SH3RF3: variants seen among roughly 807,000 people sequenced by gnomAD.
SH3RF3 encodes E3 ubiquitin-protein ligase SH3RF3.
Under a neutral mutation model 66.3 loss-of-function variants are expected in SH3RF3, and 29 were observed. That is an observed-to-expected ratio of 0.44 (90% CI 0.33 to 0.60). The LOEUF (loss-of-function observed/expected upper bound fraction) is 0.60. Ranked by LOEUF, SH3RF3 falls within the 20% of genes least tolerant of loss-of-function variation. The pLI, the probability that SH3RF3 is intolerant of heterozygous loss-of-function variation, is 0.04. For synonymous variants in SH3RF3, 583 were observed against 532.0 expected (o/e 1.10, Z -1.32); for missense variants, 1,194 against 1,190.9 (o/e 1.00, Z -0.04).
chr2:109,408,583 G>T (rs1463874516), intron 4 of SH3RF3, among the ~76,000 whole-genome samples: 1 of 152,340 alleles, frequency 6.6e-6, no homozygotes, highest in Non-Finnish European at 1.5e-5. Flanking sequence ...CCCTCTACCA[G>T]CCCGTGAGCT....
chr2:109,165,918 G>A (rs972864495), intron 1 of SH3RF3, among the ~76,000 whole-genome samples: 1 of 152,178 alleles, frequency 6.6e-6, no homozygotes, highest in African/African-American at 2.4e-5. Flanking sequence ...TGACATGGGT[G>A]GTCACTAGTT....
At position 109,295,286 on chromosome 2, in the gene SH3RF3, T is replaced by C. The variant is rs555123742; in HGVS notation, c.574-52388T>C. Among the ~76,000 whole-genome samples, 8 of 152,274 alleles carry C rather than the reference T, an allele frequency of 5.3e-5. 1 individual carries two copies. In the East Asian group the frequency reaches 1.2e-3, roughly 22 times the overall value. On this transcript the variant is annotated intron_variant, in intron 1 of 9. Coordinates refer to ENST00000309415, the MANE Select transcript of SH3RF3 (RefSeq NM_001099289.3). ...TGCGGTGGCTCCAGGAAGCAGGTGCTCTTGTCATCCCCAATTTGTAGATGA... is the reference window on the plus strand; with the variant it reads ...TGCGGTGGCTCCAGGAAGCAGGTGCCCTTGTCATCCCCAATTTGTAGATGA...
At chr2:109,132,272 G>A (rs1304413795) in intron 1 of SH3RF3, among the ~76,000 whole-genome samples, 1 of 152,108 alleles carries the variant, frequency 6.6e-6, no homozygotes, top group Non-Finnish European at 1.5e-5. Flanking sequence ...AGGTATATAG[G>A]TAAGTATTGG....
intron 1 of SH3RF3, among the ~76,000 whole-genome samples, chr2:109,181,918 GTTATA>G (rs1678082674): frequency 6.6e-6 from 1 of 152,060 alleles, no homozygotes; most frequent in South Asian, 2.1e-4. Flanking sequence ...CTTTACTGTA[GTTATA>G]TTGCCATGGC....
chr2:109,353,981 G>A (rs1316795491), intron 2 of SH3RF3, among the ~76,000 whole-genome samples: 2 of 152,114 alleles, frequency 1.3e-5, no homozygotes, highest in Non-Finnish European at 2.9e-5. Flanking sequence ...GAAAGTCAGA[G>A]CCCCCCGAAG....
chr2:109,258,684 G>C (rs1453620320), intron 1 of SH3RF3, among the ~76,000 whole-genome samples: 1 of 152,258 alleles, frequency 6.6e-6, no homozygotes, highest in Non-Finnish European at 1.5e-5. Context: ...CTGTGTGGCA[G>C]CCGTGTCTGA....
intron 7 of SH3RF3, among the ~76,000 whole-genome samples, chr2:109,439,867 C>G (rs376024530): frequency 6.6e-6 from 1 of 152,018 alleles, no homozygotes; most frequent in East Asian, 1.9e-4. Flanking sequence ...GGTGGGTTTG[C>G]TAAAGGGCTG....
intron 1 of SH3RF3, among the ~76,000 whole-genome samples, chr2:109,278,850 C>G (rs1207552193): frequency 6.6e-6 from 1 of 152,130 alleles, no homozygotes; most frequent in Admixed American, 6.5e-5. Context: ...AGCCCAGGGT[C>G]AAGTGTGGGG....
intron 8 of SH3RF3, among the ~76,000 whole-genome samples, chr2:109,457,744 T>A (rs915544254): frequency 2.6e-5 from 4 of 152,220 alleles, no homozygotes; most frequent in Admixed American, 2.0e-4. Context: ...TTCAAAGACA[T>A]GGGATTTTTT....
chr2:109,410,802 C>T (rs1275739650), intron 4 of SH3RF3, among the ~76,000 whole-genome samples: 4 of 152,282 alleles, frequency 2.6e-5, no homozygotes, highest in Non-Finnish European at 2.9e-5. Flanking sequence ...CTGCTAGGCG[C>T]GACTTCGTGG....
At chr2:109,161,823 A>G (rs1001538083) in intron 1 of SH3RF3, among the ~76,000 whole-genome samples, 3 of 151,954 alleles carry the variant, frequency 2.0e-5, no homozygotes, top group Non-Finnish European at 2.9e-5. Flanking sequence ...AGGGGATGCA[A>G]ATACCTCCCA....
At chr2:109,460,000 C>G (rs1330710088) in intron 8 of SH3RF3, among the ~76,000 whole-genome samples, 1 of 152,214 alleles carries the variant, frequency 6.6e-6, no homozygotes, top group East Asian at 1.9e-4. Context: ...GACTGTCACC[C>G]AGCTGGTGCT....
At chr2:109,305,927 AGCTGCTCC>A (rs1320801342) in intron 1 of SH3RF3, among the ~76,000 whole-genome samples, 1 of 150,122 alleles carries the variant, frequency 6.7e-6, no homozygotes, top group African/African-American at 2.5e-5. Flanking sequence ...CTGCTCCTCC[AGCTGCTCC>A]TCCAGCTGCC....
intron 1 of SH3RF3, among the ~76,000 whole-genome samples, chr2:109,149,438 C>T (rs557670463): frequency 6.6e-6 from 1 of 152,230 alleles, no homozygotes; most frequent in Non-Finnish European, 1.5e-5. Context: ...TTCTAAACCT[C>T]TTTAATCTCA....
chr2:109,254,424 G>A (rs900427028), intron 1 of SH3RF3, among the ~76,000 whole-genome samples: 3 of 152,124 alleles, frequency 2.0e-5, no homozygotes, highest in Non-Finnish European at 4.4e-5. Context: ...TGTTGGGGAG[G>A]TTAAATGGAT....
chr2:109,417,045 C>T (rs537792105), intron 4 of SH3RF3, among the ~76,000 whole-genome samples: 66 of 152,242 alleles, frequency 4.3e-4, no homozygotes, highest in African/African-American at 1.5e-3. Context: ...GTCAGTGTGT[C>T]GAGCCTGTTG....
chr2:109,418,145 C>A (rs190876107), intron 4 of SH3RF3, among the ~76,000 whole-genome samples: 59 of 152,270 alleles, frequency 3.9e-4, no homozygotes, highest in African/African-American at 1.3e-3. Flanking sequence ...GTACCTGCAG[C>A]CTGGCCCCGT....
intron 8 of SH3RF3, among the ~76,000 whole-genome samples, chr2:109,482,461 T>C (rs1419231026): frequency 6.6e-6 from 1 of 152,232 alleles, no homozygotes; most frequent in Non-Finnish European, 1.5e-5. Flanking sequence ...AACACCGTGC[T>C]GTGGCTGTTT....
intron 1 of SH3RF3, among the ~76,000 whole-genome samples, chr2:109,172,629 C>A (rs1284530954): frequency 6.6e-6 from 1 of 152,210 alleles, no homozygotes; most frequent in Non-Finnish European, 1.5e-5. Context: ...CATCACCTCT[C>A]CGGAGCCCAT....
Sources: allele counts gnomAD v4.1 joint callset (sites outside exome capture counted in the v4.1 genomes callset), GRCh38; gene constraint gnomAD v4.1.1; transcripts MANE v1.5; gene names NCBI Gene and HGNC (gene_info 2026-07-23, HGNC 2026-07-21).